AAK1: variants seen among roughly 807,000 people sequenced by gnomAD.
The protein encoded by AAK1 is AP2-associated protein kinase 1.
A neutral mutation model predicts 116.0 loss-of-function variants in AAK1; 37 were observed. The ratio of observed to expected loss-of-function variants is 0.32; its 90% CI spans 0.25 to 0.42. The LOEUF (loss-of-function observed/expected upper bound fraction) is 0.42, where lower values mean the gene tolerates loss of function less well. AAK1 is among the 10% of genes least tolerant of loss of function. AAK1 has a pLI of 1.00. For missense variants in AAK1, 919 were observed against 1,170.6 expected (o/e 0.79, Z 3.14); for synonymous variants, 458 against 439.9 (o/e 1.04, Z -0.51).
At chr2:69,517,564 G>A (rs1004213698) in intron 12 of AAK1, among the ~76,000 whole-genome samples, 1 of 135,256 alleles carries the variant, frequency 7.4e-6, no homozygotes, top group Non-Finnish European at 1.8e-5. Context: ...AGGCCAGAGA[G>A]ACATTACAGA....
chr2:69,577,867 G>T (rs1672378022), intron 2 of AAK1, among the ~76,000 whole-genome samples: 1 of 152,190 alleles, frequency 6.6e-6, no homozygotes, highest in African/African-American at 2.4e-5. Context: ...CAGGGATGGT[G>T]GAGATGGTGG....
intron 13 of AAK1, among the ~76,000 whole-genome samples, chr2:69,513,085 T>C (rs547295365): frequency 6.6e-6 from 1 of 152,254 alleles, no homozygotes; most frequent in South Asian, 2.1e-4. Context: ...AAAAACTCTT[T>C]TTCCATGAAG....
intron 17 of AAK1, among the ~76,000 whole-genome samples, chr2:69,489,855 G>T (rs914622529): frequency 6.6e-6 from 1 of 152,140 alleles, no homozygotes; most frequent in Non-Finnish European, 1.5e-5. Context: ...TCATTTTAGA[G>T]AATTAAATCT....
chr2:69,606,766 A>G (rs1465302572), intron 2 of AAK1, among the ~76,000 whole-genome samples: 1 of 152,176 alleles, frequency 6.6e-6, no homozygotes, highest in Non-Finnish European at 1.5e-5. Flanking sequence ...AAATACATAC[A>G]TTAAAAAGTA....
intron 2 of AAK1, among the ~76,000 whole-genome samples, chr2:69,638,685 A>C (rs1478942403): frequency 6.6e-6 from 1 of 152,148 alleles, no homozygotes; most frequent in Non-Finnish European, 1.5e-5. Flanking sequence ...CACTTTGCCT[A>C]TACTATTCTC....
intron 2 of AAK1, among the ~76,000 whole-genome samples, chr2:69,587,376 CAT>C (rs1491547996): frequency 4.0e-5 from 4 of 99,574 alleles, no homozygotes; most frequent in African/African-American, 1.2e-4. Context: ...TGTACACACA[CAT>C]ATATACACAC....
intron 17 of AAK1, among the ~76,000 whole-genome samples, chr2:69,484,042 A>G (rs538230976): frequency 6.6e-6 from 1 of 152,388 alleles, no homozygotes; most frequent in East Asian, 1.9e-4. Context: ...GAGGAGACTT[A>G]GATCACATAA....
At chr2:69,520,780 T>C (rs1198027172) in intron 11 of AAK1, 54 bp downstream of exon 11, 2 of 1,504,064 alleles carry the variant, frequency 1.3e-6, no homozygotes, top group Non-Finnish European at 1.8e-6. Context: ...GACTTCTCTG[T>C]TGTCCAGAAT....
chr2:69,505,122 T>TGC (rs1340277759), intron 16 of AAK1, among the ~76,000 whole-genome samples: 61 of 141,342 alleles, frequency 4.3e-4, no homozygotes, highest in African/African-American at 1.6e-3. Flanking sequence ...TGCGTGCGTG[T>TGC]GCGCACACAC....
chr2:69,611,611 C>T (rs1395882978), intron 2 of AAK1, among the ~76,000 whole-genome samples: 1 of 152,144 alleles, frequency 6.6e-6, no homozygotes, highest in Non-Finnish European at 1.5e-5. Flanking sequence ...TATACATATA[C>T]CTTATTGGTT....
rs111466821 is a variant in AAK1 at position 69,637,186 on chromosome 2, T to C, written c.163+5692A>G. On this transcript the variant is annotated intron_variant, in intron 2 of 21. Transcript: ENST00000409085. ...CTAGAATGTTCTTCTACCTTGTCCA[T>C]CTAGCAATAAGTTCTCATTTTTGAA... Among the ~76,000 whole-genome samples, 573 of 152,330 alleles carry C rather than the reference T, an allele frequency of 3.8e-3. 2 individuals are homozygous for C. Among genetic ancestry groups the C allele is most frequent in the African/African-American group, 0.013 (552 of 41,568 alleles).
intron 9 of AAK1, among the ~76,000 whole-genome samples, chr2:69,525,869 A>G (rs1572925054): frequency 6.6e-6 from 1 of 152,232 alleles, no homozygotes; most frequent in African/African-American, 2.4e-5. Flanking sequence ...TATGAATGGG[A>G]AAGTGGGACT....
intron 5 of AAK1, among the ~76,000 whole-genome samples, chr2:69,541,241 T>C (rs1383129298): frequency 2.0e-5 from 3 of 149,574 alleles, no homozygotes; most frequent in African/African-American, 7.4e-5. Flanking sequence ...TTTTTTTTTT[T>C]TTTTTTTGAG....
chr2:69,606,240 A>G (rs1673790970), intron 2 of AAK1, among the ~76,000 whole-genome samples: 1 of 152,198 alleles, frequency 6.6e-6, no homozygotes. Flanking sequence ...CTCAAGTCAC[A>G]GGATTATTGG....
intron 5 of AAK1, among the ~76,000 whole-genome samples, chr2:69,535,703 G>A (rs1572934255): frequency 6.6e-6 from 1 of 152,144 alleles, no homozygotes; most frequent in East Asian, 1.9e-4. Context: ...CAAAGGCCCT[G>A]AGATGGGAGT....
chr2:69,487,031 C>G (rs1258044257), intron 17 of AAK1, among the ~76,000 whole-genome samples: 1 of 152,196 alleles, frequency 6.6e-6, no homozygotes, highest in African/African-American at 2.4e-5. Context: ...AAAGATCTCA[C>G]AGCAAGCAAG....
rs1042891869 is a variant in AAK1, at chr2:69,507,422, T to C, written c.2163A>G (p.Glu721=). The part of the protein sequence containing the change: ...LLNKDFAKLG[E]GKHPEKLGGS... Reference sequence around the variant, plus strand: ...CAAAAAAAGACACAGCTTACTCACCTTCCCCAAGCTTGGCAAAGTCCTTGT... The same window carrying C: ...CAAAAAAAGACACAGCTTACTCACCCTCCCCAAGCTTGGCAAAGTCCTTGT... Residue 721 remains glutamate, a splice_region_variant and synonymous_variant, in exon 15 of 22, where the codon GAA becomes GAG. Transcript: ENST00000409085. 47 of 1,611,740 alleles carry C rather than the reference T, an allele frequency of 2.9e-5. 1 individual carries two copies. The Admixed American group carries it at 5.9e-4, about 20-fold the overall frequency.
At chr2:69,594,799 C>T (rs1673188962) in intron 2 of AAK1, 2 of 1,285,148 alleles carry the variant, frequency 1.6e-6, no homozygotes, top group African/African-American at 1.5e-5. Context: ...AGAATGCTTG[C>T]CTCTTTTAAT....
chr2:69,467,148 T>G lies in AAK1; in HGVS notation c.*8721A>C. ...CTGAAGGTACCTTCTGAGGGGAGCA[T>G]ACAGCATCAAAATCAGACCAAATAA... On this transcript the variant is annotated 3_prime_UTR_variant, in exon 22 of 22. Coordinates refer to ENST00000409085, the MANE Select transcript of AAK1 (RefSeq NM_014911.5). 1 of 985,436 alleles carries G rather than the reference T, an allele frequency of 1.0e-6. No individual in the cohort carries two copies. 61.0% of individuals were successfully genotyped at this position (985,436 alleles called of 1,614,324 possible).
Sources: gnomAD v4.1 joint callset for allele counts (sites outside exome capture counted in the v4.1 genomes callset) on GRCh38, gnomAD v4.1.1 for gene constraint, MANE v1.5 for transcripts, NCBI Gene and HGNC (gene_info 2026-07-23, HGNC 2026-07-21) for gene names.